Variants in CNTNAP2 observed in about 807,000 individuals in gnomAD.
The protein encoded by CNTNAP2 is contactin associated protein 2.
CNTNAP2 carries 98 observed loss-of-function variants against 155.2 expected under a neutral mutation model. That is an observed-to-expected ratio of 0.63 (90% CI 0.54 to 0.75). The LOEUF (loss-of-function observed/expected upper bound fraction) is 0.75, where lower values mean the gene tolerates loss of function less well. Ranked by LOEUF, CNTNAP2 falls within the 30% of genes least tolerant of loss-of-function variation. The pLI, the probability that CNTNAP2 is intolerant of heterozygous loss-of-function variation, is 0.00. For missense variants in CNTNAP2, 1,727 were observed against 1,688.1 expected, an observed-to-expected ratio of 1.02 and a Z score of -0.40; for synonymous variants, 651 against 631.2, an observed-to-expected ratio of 1.03 and a Z score of -0.47.
intron 1 of CNTNAP2, among the ~76,000 whole-genome samples, chr7:146,654,766 A>AT (rs1175004842): frequency 2.0e-5 from 3 of 151,636 alleles, no homozygotes; most frequent in African/African-American, 4.8e-5. Flanking sequence ...TATTTTAGGG[A>AT]TTTTTTGTAC....
intron 9 of CNTNAP2, among the ~76,000 whole-genome samples, chr7:147,355,047 G>C (rs1796039331): frequency 6.6e-6 from 1 of 151,932 alleles, no homozygotes; most frequent in Non-Finnish European, 1.5e-5. Context: ...TGAGACGATG[G>C]GGTTTTCTAA....
intron 1 of CNTNAP2, among the ~76,000 whole-genome samples, chr7:146,640,324 A>G (rs1431184090): frequency 1.3e-5 from 2 of 152,222 alleles, no homozygotes; most frequent in African/African-American, 4.8e-5. Flanking sequence ...ATGTCAGGAA[A>G]TCATTTAGAG....
At chr7:146,397,158 G>A (rs1463675624) in intron 1 of CNTNAP2, among the ~76,000 whole-genome samples, 3 of 152,106 alleles carry the variant, frequency 2.0e-5, no homozygotes, top group Non-Finnish European at 2.9e-5. Context: ...AGACCCAGTG[G>A]CTTTAATAAC....
intron 3 of CNTNAP2, among the ~76,000 whole-genome samples, chr7:146,911,671 G>C (rs1423395806): frequency 4.7e-4 from 54 of 115,412 alleles, no homozygotes; most frequent in Non-Finnish European, 6.9e-4. Context: ...TGGGGGGAGG[G>C]GGGAGGGATA....
chr7:147,923,025 CA>C (rs1800312821), intron 14 of CNTNAP2, among the ~76,000 whole-genome samples: 1 of 148,530 alleles, frequency 6.7e-6, no homozygotes, highest in Non-Finnish European at 1.5e-5. Flanking sequence ...ACTAAAAAAC[CA>C]AAACATGGAA....
At chr7:147,539,013 C>T (rs1799596083) in intron 11 of CNTNAP2, among the ~76,000 whole-genome samples, 1 of 152,056 alleles carries the variant, frequency 6.6e-6, no homozygotes, top group Non-Finnish European at 1.5e-5. Flanking sequence ...ATGATGCCAG[C>T]TTTGGGCTTA....
At chr7:147,586,111 CAATT>C (rs1800613939) in intron 12 of CNTNAP2, among the ~76,000 whole-genome samples, 1 of 151,972 alleles carries the variant, frequency 6.6e-6, no homozygotes, top group Non-Finnish European at 1.5e-5. Context: ...TTCTGATTGG[CAATT>C]GATTGAAAGA....
intron 3 of CNTNAP2, among the ~76,000 whole-genome samples, chr7:147,043,165 CT>C (rs1194786107): frequency 6.6e-6 from 1 of 151,896 alleles, no homozygotes; most frequent in Non-Finnish European, 1.5e-5. Flanking sequence ...CCCATATTAT[CT>C]TGCTCTAACT....
chr7:147,663,824 C>A (rs113627174), intron 13 of CNTNAP2, among the ~76,000 whole-genome samples: 12 of 152,134 alleles, frequency 7.9e-5, no homozygotes, highest in Non-Finnish European at 1.6e-4. Flanking sequence ...AATATATCCA[C>A]CACCTAATAT....
At chr7:147,895,562 A>G (rs568577846) in intron 13 of CNTNAP2, among the ~76,000 whole-genome samples, 92 of 152,348 alleles carry the variant, frequency 6.0e-4, no homozygotes, top group African/African-American at 2.0e-3. Flanking sequence ...GTTAAATACA[A>G]TCTTCATATT....
At chr7:147,198,232 CTTTT>C (rs71525992) in intron 8 of CNTNAP2, among the ~76,000 whole-genome samples, 2 of 113,092 alleles carry the variant, frequency 1.8e-5, no homozygotes, top group African/African-American at 3.2e-5. Context: ...TTCCAATATC[CTTTT>C]TTTTTTTTTT....
chr7:147,448,443 A>C (rs1040818398), intron 10 of CNTNAP2, among the ~76,000 whole-genome samples: 21 of 150,688 alleles, frequency 1.4e-4, no homozygotes, highest in Non-Finnish European at 3.0e-4. Flanking sequence ...CATAAACATT[A>C]ATCAGTGCTA....
chr7:147,716,997 C>A (rs1348368146), intron 13 of CNTNAP2, among the ~76,000 whole-genome samples: 1 of 152,052 alleles, frequency 6.6e-6, no homozygotes, highest in East Asian at 1.9e-4. Flanking sequence ...GAGCTACATG[C>A]TTGGCAAATA....
intron 15 of CNTNAP2, among the ~76,000 whole-genome samples, chr7:148,024,562 G>C (rs1289422641): frequency 6.6e-6 from 1 of 152,112 alleles, no homozygotes; most frequent in African/African-American, 2.4e-5. Context: ...TGACTTCCAG[G>C]AGTGTTCAGG....
intron 15 of CNTNAP2, among the ~76,000 whole-genome samples, chr7:148,095,212 A>G (rs1803937851): frequency 1.3e-5 from 2 of 152,232 alleles, no homozygotes; most frequent in South Asian, 2.1e-4. Context: ...GTAACCCTGC[A>G]AAGAAAGCAA....
chr7:146,405,586 A>T (rs914165940), intron 1 of CNTNAP2, among the ~76,000 whole-genome samples: 1 of 152,226 alleles, frequency 6.6e-6, no homozygotes, highest in African/African-American at 2.4e-5. Context: ...CTAGAATTAT[A>T]CGTACAGAGA....
At chr7:146,638,263 G>T (rs1799632332) in intron 1 of CNTNAP2, among the ~76,000 whole-genome samples, 1 of 152,034 alleles carries the variant, frequency 6.6e-6, no homozygotes, top group Admixed American at 6.6e-5. Flanking sequence ...AGAAATCCCT[G>T]TATCCCTGCA....
chr7:146,824,280 T>C (rs1317238288), intron 2 of CNTNAP2, among the ~76,000 whole-genome samples: 1 of 152,202 alleles, frequency 6.6e-6, no homozygotes, highest in African/African-American at 2.4e-5. Flanking sequence ...CTTTATTCAG[T>C]CTATCATTGA....
chr7:147,489,275 C>A (rs1235208594), intron 11 of CNTNAP2, among the ~76,000 whole-genome samples: 1 of 152,104 alleles, frequency 6.6e-6, no homozygotes, highest in Non-Finnish European at 1.5e-5. Context: ...CCCTGAGGAG[C>A]CAGGATGTCT....
Sources: gnomAD v4.1 joint callset for allele counts (sites outside exome capture counted in the v4.1 genomes callset) on GRCh38, gnomAD v4.1.1 for gene constraint, MANE v1.5 for transcripts, NCBI Gene and HGNC (gene_info 2026-07-23, HGNC 2026-07-21) for gene names.